Variants in PLCB1 observed in about 807,000 individuals in gnomAD.
PLCB1 encodes phospholipase C beta 1, also known as 1-phosphatidylinositol 4,5-bisphosphate phosphodiesterase beta-1.
In PLCB1, 46 loss-of-function variants were observed where a neutral mutation model predicts 161.8. The ratio of observed to expected loss-of-function variants is 0.28; its 90% CI spans 0.22 to 0.36. PLCB1 has a LOEUF of 0.36. Among genes scored for constraint, PLCB1 ranks in the 10% least tolerant of loss-of-function variants. PLCB1 has a pLI of 1.00. For synonymous variants in PLCB1, 517 were observed against 503.7 expected (o/e 1.03, Z -0.35); for missense variants, 1,016 against 1,472.5 (o/e 0.69, Z 5.07).
In PLCB1 at chr20:8,306,136, G is replaced by T. The variant is rs58914104; in HGVS notation, c.178-65246G>T. Among the ~76,000 whole-genome samples, 1,173 of 152,052 alleles carry T rather than the reference G, an allele frequency of 7.7e-3. 14 individuals carry two copies. Among genetic ancestry groups the T allele is most frequent in the African/African-American group, 0.027 (1,104 of 41,346 alleles). On this transcript the variant is annotated intron_variant, in intron 2 of 31. Transcript: ENST00000338037. ...AAACACTCTCAGAGGATGTTTAGCCGATGGACTATTCTCATTATAGAATGA... is the reference window on the plus strand; with the variant it reads ...AAACACTCTCAGAGGATGTTTAGCCTATGGACTATTCTCATTATAGAATGA...
At chr20:8,414,216 G>A (rs1354979119) in intron 3 of PLCB1, among the ~76,000 whole-genome samples, 1 of 152,094 alleles carries the variant, frequency 6.6e-6, no homozygotes, top group African/African-American at 2.4e-5. Flanking sequence ...AATGAGTGGT[G>A]TCTGCACATA....
chr20:8,579,193 C>T (rs542896393), intron 3 of PLCB1, among the ~76,000 whole-genome samples: 1 of 152,194 alleles, frequency 6.6e-6, no homozygotes. Flanking sequence ...GAGATGTTGG[C>T]AAATGTCACA....
At chr20:8,652,456 T>C (rs1989346466) in intron 7 of PLCB1, 1 of 152,112 alleles carries the variant, frequency 6.6e-6, no homozygotes, top group African/African-American at 2.4e-5. Flanking sequence ...CTATGATGTA[T>C]CAAAACTCTG....
At chr20:8,274,481 G>T (rs8125486) in intron 2 of PLCB1, among the ~76,000 whole-genome samples, 1 of 147,626 alleles carries the variant, frequency 6.8e-6, no homozygotes, top group African/African-American at 2.5e-5. Context: ...TACTTGTGTC[G>T]TTTTTTTTTT....
chr20:8,399,293 T>C (rs1978440928), intron 3 of PLCB1, among the ~76,000 whole-genome samples: 1 of 152,150 alleles, frequency 6.6e-6, no homozygotes, highest in African/African-American at 2.4e-5. Flanking sequence ...AGTCCAATTG[T>C]ATATCTCTTT....
chr20:8,230,592 G>A (rs914823094), intron 2 of PLCB1, among the ~76,000 whole-genome samples: 1 of 152,142 alleles, frequency 6.6e-6, no homozygotes, highest in East Asian at 1.9e-4. Context: ...TAAAGTGGTA[G>A]GTATTAGCCA....
At chr20:8,321,964 A>G (rs1175071874) in intron 2 of PLCB1, among the ~76,000 whole-genome samples, 2 of 152,142 alleles carry the variant, frequency 1.3e-5, no homozygotes, top group Admixed American at 6.5e-5. Context: ...TGAAAGTATC[A>G]AGGAATTAAA....
chr20:8,375,213 G>GCT (rs915200140), intron 3 of PLCB1, among the ~76,000 whole-genome samples: 12 of 151,794 alleles, frequency 7.9e-5, no homozygotes, highest in South Asian at 2.1e-4. Context: ...TTTTTTTCTT[G>GCT]CTCTCTCTCT....
chr20:8,640,364 T>G (rs947001979), intron 4 of PLCB1, among the ~76,000 whole-genome samples: 1 of 152,228 alleles, frequency 6.6e-6, no homozygotes, highest in African/African-American at 2.4e-5. Context: ...CAGTGCTTTT[T>G]TCTTTTAAAA....
intron 2 of PLCB1, among the ~76,000 whole-genome samples, chr20:8,169,389 A>G (rs1240355216): frequency 6.6e-6 from 1 of 152,196 alleles, no homozygotes; most frequent in East Asian, 1.9e-4. Context: ...ACAAACTAGA[A>G]ATAATAAATA....
At position 8,631,830 on chromosome 20, in the gene PLCB1, G is replaced by C. The variant is rs535540989; in HGVS notation, c.384+3399G>C. Among the ~76,000 whole-genome samples, 100 of 152,228 alleles carry C rather than the reference G, an allele frequency of 6.6e-4. 1 individual carries two copies. The highest frequency in any genetic ancestry group is 2.3e-3 in the African/African-American group (96 of 41,546). On this transcript the variant is annotated intron_variant, in intron 4 of 31. Coordinates refer to ENST00000338037, the MANE Select transcript of PLCB1 (RefSeq NM_015192.4). ...AATAATATAAAAAGAAAATCTTTTG[G>C]ATGTCTCCAGGTTCCATTTTTAAAC...
intron 24 of PLCB1, among the ~76,000 whole-genome samples, chr20:8,758,053 T>C (rs1392749692): frequency 1.3e-5 from 2 of 151,492 alleles, no homozygotes; most frequent in Non-Finnish European, 2.9e-5. Flanking sequence ...CACACAGTGC[T>C]GGGGAATAGC....
At chr20:8,205,297 T>C (rs1045841368) in intron 2 of PLCB1, among the ~76,000 whole-genome samples, 5 of 152,190 alleles carry the variant, frequency 3.3e-5, no homozygotes, top group African/African-American at 1.2e-4. Context: ...TAATTAAAAG[T>C]CTTCTTGATA....
rs1479996156 is a variant in PLCB1, at chr20:8,539,615, A to ATT, written c.247-88676_247-88675dup. The stretch of plus-strand genomic sequence containing the variant: ...GGGTAGATACTTGCCTCTTTTCTTT[A>ATT]TTTTCTTTCTTTCTTTCTTTCTTTC... On this transcript the variant is annotated intron_variant, in intron 3 of 31. Transcript: ENST00000338037. Among the ~76,000 whole-genome samples the ATT allele has an allele frequency of 2.8e-3, 330 of 117,340 alleles. 4 individuals carry two copies. Among genetic ancestry groups the ATT allele is most frequent in the African/African-American group, 0.01 (291 of 28,036 alleles). 77.0% of individuals were successfully genotyped at this position (117,340 alleles called of 152,430 possible). A position where few individuals can be genotyped will look rare whatever the true frequency, so the allele number is the denominator to read the frequency against.
At chr20:8,566,567 G>A (rs1268651970) in intron 3 of PLCB1, among the ~76,000 whole-genome samples, 1 of 152,134 alleles carries the variant, frequency 6.6e-6, no homozygotes, top group Non-Finnish European at 1.5e-5. Flanking sequence ...TGAGCAGTTA[G>A]ATTTTCCATG....
chr20:8,830,010 T>G (rs1985906088), intron 31 of PLCB1, among the ~76,000 whole-genome samples: 1 of 152,220 alleles, frequency 6.6e-6, no homozygotes, highest in African/African-American at 2.4e-5. Context: ...TTCAAAGTAC[T>G]TACACTACCA....
At chr20:8,610,677 G>T (rs1987881947) in intron 3 of PLCB1, among the ~76,000 whole-genome samples, 2 of 151,958 alleles carry the variant, frequency 1.3e-5, no homozygotes, top group Non-Finnish European at 2.9e-5. Context: ...TTACCTTCTT[G>T]ATAGTGTCCT....
chr20:8,293,220 G>A (rs1002479244), intron 2 of PLCB1, among the ~76,000 whole-genome samples: 2 of 152,096 alleles, frequency 1.3e-5, no homozygotes, highest in African/African-American at 2.4e-5. Context: ...AACACATACT[G>A]TCAGTTATTT....
rs377212378 is a variant in PLCB1 at position 8,230,561 on chromosome 20, G to A, written c.177+80190G>A. ...TGTACCCACCACTAATCTTTCCATAGCTTGCAAGACCAGCTCTATCTAAAG... is the reference window on the plus strand; with the variant it reads ...TGTACCCACCACTAATCTTTCCATAACTTGCAAGACCAGCTCTATCTAAAG... On this transcript the variant is annotated intron_variant, in intron 2 of 31. Coordinates refer to ENST00000338037, the MANE Select transcript of PLCB1 (RefSeq NM_015192.4). Among the ~76,000 whole-genome samples the A allele has an allele frequency of 1.6e-3, 236 of 152,134 alleles. 1 individual carries two copies. Among genetic ancestry groups the A allele is most frequent in the African/African-American group, 5.5e-3 (230 of 41,506 alleles).
Sources: allele counts gnomAD v4.1 joint callset (sites outside exome capture counted in the v4.1 genomes callset), GRCh38; gene constraint gnomAD v4.1.1; transcripts MANE v1.5; gene names NCBI Gene and HGNC (gene_info 2026-07-23, HGNC 2026-07-21).